Variants in NRXN1 observed in about 807,000 individuals in gnomAD.
NRXN1 encodes neurexin-1.
In NRXN1, 39 loss-of-function variants were observed where a neutral mutation model predicts 150.9. The observed-to-expected ratio is 0.26, with a 90% CI of 0.20 to 0.34. The LOEUF is 0.34. Among genes scored for constraint, NRXN1 ranks in the 10% least tolerant of loss-of-function variants. The pLI is 1.00. For missense variants in NRXN1, 1,815 were observed against 1,949.9 expected, an observed-to-expected ratio of 0.93 and a Z score of 1.30; for synonymous variants, 924 against 757.0, an observed-to-expected ratio of 1.22 and a Z score of -3.62.
chr2:50,495,896 T>TG lies in NRXN1; in HGVS notation c.3070+8dup. On this transcript the variant is annotated intron_variant, in intron 15 of 22. Transcript: ENST00000401669. Reference sequence around the variant, plus strand: ...CAAGGCTCGTTGCTCTGACTTAACATGCACTTACTCTTGAGGTCTAAGTTC... The same window carrying TG: ...CAAGGCTCGTTGCTCTGACTTAACATGGCACTTACTCTTGAGGTCTAAGTTC... 1 of 1,582,178 alleles carries TG rather than the reference T, an allele frequency of 6.3e-7. No individual in the cohort carries two copies.
At chr2:50,978,610 G>C (rs184569654) in intron 2 of NRXN1, among the ~76,000 whole-genome samples, 1 of 151,940 alleles carries the variant, frequency 6.6e-6, no homozygotes, top group East Asian at 1.9e-4. Flanking sequence ...TGCATACAAT[G>C]CTTGGCTAAT....
chr2:50,772,143 A>C (rs945525619), intron 5 of NRXN1, among the ~76,000 whole-genome samples: 8 of 151,930 alleles, frequency 5.3e-5, no homozygotes, highest in Admixed American at 4.6e-4. Context: ...TGAAACAATC[A>C]ATCAGAACTC....
intron 2 of NRXN1, among the ~76,000 whole-genome samples, chr2:50,947,137 C>T (rs1024391300): frequency 6.6e-6 from 1 of 152,012 alleles, no homozygotes; most frequent in Non-Finnish European, 1.5e-5. Flanking sequence ...CATTTTTGTC[C>T]AGTCATGTAT....
At chr2:50,080,808 G>C (rs1697841330) in intron 19 of NRXN1, among the ~76,000 whole-genome samples, 1 of 152,148 alleles carries the variant, frequency 6.6e-6, no homozygotes, top group Non-Finnish European at 1.5e-5. Flanking sequence ...GGCTATGTCA[G>C]TGGTTAGAAG....
At chr2:49,994,212 C>G (rs1682528528) in intron 21 of NRXN1, among the ~76,000 whole-genome samples, 1 of 152,142 alleles carries the variant, frequency 6.6e-6, no homozygotes, top group African/African-American at 2.4e-5. Flanking sequence ...GTGTTGATGA[C>G]TCTGCAGACA....
At chr2:50,138,177 T>C (rs1486828576) in intron 18 of NRXN1, among the ~76,000 whole-genome samples, 1 of 152,224 alleles carries the variant, frequency 6.6e-6, no homozygotes, top group Non-Finnish European at 1.5e-5. Flanking sequence ...TTACAACCCA[T>C]ATGATCTTCT....
chr2:50,897,253 G>C (rs1265180155), intron 5 of NRXN1, among the ~76,000 whole-genome samples: 1 of 152,172 alleles, frequency 6.6e-6, no homozygotes, highest in Non-Finnish European at 1.5e-5. Flanking sequence ...GAGGATAAAT[G>C]AGATTAATGC....
In NRXN1 at chr2:50,496,200, T is replaced by C. The variant is rs897439046; in HGVS notation, c.2880-105A>G. The C allele has an allele frequency of 2.7e-5, 21 of 774,516 alleles. No individual in the cohort carries two copies. The African/African-American group carries it at 3.3e-4, about 12-fold the overall frequency. 48.0% of individuals were successfully genotyped at this position (774,516 alleles called of 1,614,324 possible). The stretch of plus-strand genomic sequence containing the variant: ...ATTTTTTTTCAGGTGGTTCCATCCT[T>C]ACTAGAAGTCATGACAATAAGTTAC... On this transcript the variant is annotated intron_variant, in intron 14 of 22. Coordinates refer to ENST00000401669, the MANE Select transcript of NRXN1 (RefSeq NM_001330078.2).
chr2:50,595,737 G>A (rs1675094727), intron 8 of NRXN1, among the ~76,000 whole-genome samples: 2 of 152,174 alleles, frequency 1.3e-5, no homozygotes, highest in Admixed American at 6.5e-5. Context: ...GAAGGCATAA[G>A]TCTCTCAGGT....
intron 17 of NRXN1, among the ~76,000 whole-genome samples, chr2:50,462,882 T>C (rs2088380717): frequency 6.6e-6 from 1 of 151,814 alleles, no homozygotes; most frequent in African/African-American, 2.4e-5. Flanking sequence ...CTATAAACCT[T>C]ATCAGCGAGA....
Position 50,830,722 on chromosome 2 carries a change from C to A in NRXN1, c.832+91147G>T, listed in dbSNP as rs190330182. Among the ~76,000 whole-genome samples, 3 of 149,632 alleles carry A rather than the reference C, an allele frequency of 2.0e-5. No homozygotes were observed. In the East Asian group the frequency reaches 5.9e-4, roughly 29 times the overall value. Reference sequence around the variant, plus strand: ...CATTTATAATACATCTCCTCCCATACTAGATTCCTATAAGAGGTCTCATTT... The same window carrying A: ...CATTTATAATACATCTCCTCCCATAATAGATTCCTATAAGAGGTCTCATTT... On this transcript the variant is annotated intron_variant, in intron 5 of 22. Coordinates refer to ENST00000401669, the MANE Select transcript of NRXN1 (RefSeq NM_001330078.2).
intron 2 of NRXN1, among the ~76,000 whole-genome samples, chr2:50,951,285 A>T (rs13029896): frequency 0.15 from 22,567 of 152,134 alleles, 2,108 homozygotes; most frequent in Non-Finnish European, 0.2. Flanking sequence ...ATATGCATAT[A>T]TGGATTTCAC....
rs765137218 is a variant in NRXN1 at position 50,497,630 on chromosome 2, A to G, written c.2582T>C (p.Val861Ala). The change falls in exon 14 of 23, where the codon GTC becomes GCC. Residue 861 changes from valine to alanine, a missense_variant. Val to Ala is a moderately conservative substitution (Grantham distance 64). Coordinates refer to ENST00000401669, the MANE Select transcript of NRXN1 (RefSeq NM_001330078.2). Reference sequence around the variant, plus strand: ...CAGGTGTCCAATGAAGTTGGAGGGGACAGAAGAAAGATACCGTCGTTCTGT... The same window carrying G: ...CAGGTGTCCAATGAAGTTGGAGGGGGCAGAAGAAAGATACCGTCGTTCTGT... ...IITERRYLSS[V>A]PSNFIGHLQS... 4 of 1,613,744 alleles carry G rather than the reference A, an allele frequency of 2.5e-6. No homozygotes were observed. The highest frequency in any genetic ancestry group is 3.4e-6 in the Non-Finnish European group (4 of 1,179,840).
At chr2:49,936,682 G>A (rs1671081910) in intron 22 of NRXN1, among the ~76,000 whole-genome samples, 1 of 150,374 alleles carries the variant, frequency 6.7e-6, no homozygotes, top group Non-Finnish European at 1.5e-5. Flanking sequence ...TTAAAATGTT[G>A]TTAAGAGCTT....
chr2:50,402,260 T>C (rs1048208607), intron 17 of NRXN1, among the ~76,000 whole-genome samples: 24 of 152,152 alleles, frequency 1.6e-4, no homozygotes, highest in African/African-American at 5.3e-4. Flanking sequence ...ATTAATTTTA[T>C]AAGTATGGAT....
chr2:50,828,207 C>T (rs1307623691), intron 5 of NRXN1, among the ~76,000 whole-genome samples: 2 of 150,110 alleles, frequency 1.3e-5, no homozygotes, highest in African/African-American at 4.9e-5. Flanking sequence ...CCTCACCTCC[C>T]GGACGGGGCG....
chr2:50,630,144 G>A (rs1334954535), intron 5 of NRXN1, among the ~76,000 whole-genome samples: 1 of 151,522 alleles, frequency 6.6e-6, no homozygotes, highest in African/African-American at 2.4e-5. Context: ...AAAATTCACA[G>A]TTCTTGCTCA....
intron 20 of NRXN1, among the ~76,000 whole-genome samples, chr2:50,054,253 A>C (rs1332577263): frequency 6.6e-6 from 1 of 152,198 alleles, no homozygotes; most frequent in Non-Finnish European, 1.5e-5. Flanking sequence ...AATGAAAAAA[A>C]AAAATAGCTT....
At chr2:50,831,935 A>T (rs933988095) in intron 5 of NRXN1, among the ~76,000 whole-genome samples, 2 of 152,214 alleles carry the variant, frequency 1.3e-5, no homozygotes, top group African/African-American at 4.8e-5. Flanking sequence ...CACATTGAGT[A>T]GCAGTGGCGG....
Sources: gnomAD v4.1 joint callset for allele counts (sites outside exome capture counted in the v4.1 genomes callset) on GRCh38, gnomAD v4.1.1 for gene constraint, MANE v1.5 for transcripts, NCBI Gene and HGNC (gene_info 2026-07-23, HGNC 2026-07-21) for gene names.